The following B3GLCT variants were observed in gnomAD, a reference collection of about 807,000 sequenced individuals.
B3GLCT encodes beta 3-glucosyltransferase.
Under a neutral mutation model 63.4 loss-of-function variants are expected in B3GLCT, and 65 were observed. The observed-to-expected ratio is 1.03, with a 90% CI of 0.84 to 1.26. B3GLCT has a LOEUF of 1.26. B3GLCT is among the 50% of genes most tolerant of loss of function. B3GLCT has a pLI of 0.00. For synonymous variants in B3GLCT, 233 were observed against 219.2 expected (o/e 1.06, Z -0.55); for missense variants, 577 against 604.8 (o/e 0.95, Z 0.48).
intron 4 of B3GLCT, among the ~76,000 whole-genome samples, chr13:31,242,994 G>A (rs956758259): frequency 7.2e-5 from 11 of 152,152 alleles, no homozygotes; most frequent in African/African-American, 1.2e-4. Context: ...GTTGCAAATA[G>A]CATATTACAG....
rs1324606144 is a variant in B3GLCT at position 31,236,073 on chromosome 13, C to T, written c.270+6779C>T. Among the ~76,000 whole-genome samples the T allele has an allele frequency of 3.3e-5, 5 of 152,188 alleles. No homozygotes were observed. The East Asian group carries it at 9.6e-4, about 29-fold the overall frequency. Reference sequence around the variant, plus strand: ...GCTCATTTGGCATTTCACGTATGCACCCCCAAGGTGTACTTTGTCCTTCAG... The same window carrying T: ...GCTCATTTGGCATTTCACGTATGCATCCCCAAGGTGTACTTTGTCCTTCAG... On this transcript the variant is annotated intron_variant, in intron 4 of 14. Transcript: ENST00000343307.
intron 12 of B3GLCT, among the ~76,000 whole-genome samples, chr13:31,316,407 T>TTTTATA (rs1239451482): frequency 1.2e-4 from 5 of 40,872 alleles, no homozygotes; most frequent in South Asian, 1.2e-3. Context: ...TTTGGAGGTT[T>TTTTATA]TATATATATA....
At chr13:31,235,345 G>A (rs550679992) in intron 4 of B3GLCT, among the ~76,000 whole-genome samples, 13 of 152,250 alleles carry the variant, frequency 8.5e-5, no homozygotes, top group African/African-American at 3.1e-4. Context: ...TTGAGAGTCA[G>A]CAGCATACAT....
chr13:31,327,583 G>A (rs986438974), intron 14 of B3GLCT, among the ~76,000 whole-genome samples: 2 of 152,208 alleles, frequency 1.3e-5, no homozygotes, highest in Non-Finnish European at 1.5e-5. Context: ...GGGAACTACT[G>A]TATTTCTTTC....
chr13:31,299,351 G>A (rs1874113005), intron 12 of B3GLCT, among the ~76,000 whole-genome samples: 3 of 152,076 alleles, frequency 2.0e-5, no homozygotes, highest in Admixed American at 6.5e-5. Context: ...AAGAAATGAC[G>A]ATTGGCCATA....
At chr13:31,248,054 TA>T in intron 6 of B3GLCT, 88 bp downstream of exon 6, 1 of 741,488 alleles carries the variant, frequency 1.3e-6, no homozygotes, top group Non-Finnish European at 2.4e-6. Flanking sequence ...TTGAATCTAA[TA>T]AAAAACCACT....
At chr13:31,207,568 A>G (rs1263591227) in intron 1 of B3GLCT, among the ~76,000 whole-genome samples, 1 of 151,310 alleles carries the variant, frequency 6.6e-6, no homozygotes, top group East Asian at 1.9e-4. Flanking sequence ...TTTTTTTTTC[A>G]CTATCTACTG....
intron 12 of B3GLCT, among the ~76,000 whole-genome samples, chr13:31,308,535 C>T (rs566309831): frequency 6.6e-6 from 1 of 151,954 alleles, no homozygotes; most frequent in Non-Finnish European, 1.5e-5. Flanking sequence ...CAGGAATAAC[C>T]TCCTGTGTGT....
intron 12 of B3GLCT, among the ~76,000 whole-genome samples, chr13:31,298,179 A>G (rs1335268895): frequency 6.6e-6 from 1 of 152,210 alleles, no homozygotes; most frequent in Admixed American, 6.5e-5. Context: ...TTAGCCTACA[A>G]AAAGATAGCA....
Position 31,317,702 on chromosome 13 carries a change from C to T in B3GLCT, c.1184+17C>T. On this transcript the variant is annotated intron_variant, in intron 13 of 14. Coordinates refer to ENST00000343307, the MANE Select transcript of B3GLCT (RefSeq NM_194318.4). Reference sequence around the variant, plus strand: ...AGGAGGAGGGTAACTATGATCACAGCTTTCTTCAACTACTTTAAACATAAA... The same window carrying T: ...AGGAGGAGGGTAACTATGATCACAGTTTTCTTCAACTACTTTAAACATAAA... 6.2e-7 allele frequency: 1 copy of T among 1,613,680 alleles called. No individual in the cohort carries two copies. The highest frequency in any genetic ancestry group is 1.1e-5 in the South Asian group (1 of 91,070).
At chr13:31,203,914 T>C (rs1260269210) in intron 1 of B3GLCT, among the ~76,000 whole-genome samples, 2 of 152,206 alleles carry the variant, frequency 1.3e-5, no homozygotes. Context: ...AGAATGTCAA[T>C]TTAAAAATAG....
intron 8 of B3GLCT, among the ~76,000 whole-genome samples, chr13:31,274,028 T>C (rs908196748): frequency 1.1e-4 from 17 of 152,134 alleles, no homozygotes; most frequent in Admixed American, 9.8e-4. Flanking sequence ...TGCCTTTTTT[T>C]CCCCAGGATC....
Position 31,245,162 on chromosome 13 carries a change from C to G in B3GLCT, c.271-1861C>G, listed in dbSNP as rs571960305. On this transcript the variant is annotated intron_variant, in intron 4 of 14. Coordinates refer to ENST00000343307, the MANE Select transcript of B3GLCT (RefSeq NM_194318.4). Reference sequence around the variant, plus strand: ...GTTTGCACTACCTAAACCTTTGCCTCCCACATTTTATGTTGTGGCAGAAAT... The same window carrying G: ...GTTTGCACTACCTAAACCTTTGCCTGCCACATTTTATGTTGTGGCAGAAAT... 1.1e-4 allele frequency among the ~76,000 whole-genome samples: 16 copies of G among 152,222 alleles called. No individual in the cohort carries two copies. In the South Asian group the frequency reaches 3.3e-3, roughly 32 times the overall value.
At chr13:31,216,957 G>A (rs762123401) in intron 2 of B3GLCT, among the ~76,000 whole-genome samples, 3 of 152,150 alleles carry the variant, frequency 2.0e-5, no homozygotes, top group African/African-American at 7.2e-5. Context: ...ATTCCTTTGG[G>A]TATATACCCA....
intron 3 of B3GLCT, among the ~76,000 whole-genome samples, chr13:31,226,731 A>G (rs1870121330): frequency 1.3e-5 from 2 of 152,274 alleles, no homozygotes; most frequent in South Asian, 2.1e-4. Context: ...CACCATGCCC[A>G]GCTAGGATTA....
chr13:31,242,876 A>G (rs1871023247), intron 4 of B3GLCT, among the ~76,000 whole-genome samples: 3 of 152,164 alleles, frequency 2.0e-5, no homozygotes, highest in Non-Finnish European at 2.9e-5. Context: ...TTTTTGTAAT[A>G]TAGACTCAGA....
At chr13:31,204,049 C>CT (rs1868814004) in intron 1 of B3GLCT, among the ~76,000 whole-genome samples, 1 of 152,194 alleles carries the variant, frequency 6.6e-6, no homozygotes. Context: ...CCTTGGGGAG[C>CT]TTGCAGCCCG....
At position 31,330,490 on chromosome 13, in the gene B3GLCT, T is replaced by A. The variant is rs569689158; in HGVS notation, c.*822T>A. On this transcript the variant is annotated 3_prime_UTR_variant, in exon 15 of 15. Coordinates refer to ENST00000343307, the MANE Select transcript of B3GLCT (RefSeq NM_194318.4). ...ATGTTTTGTTCAAGTCAGCAAGCTC[T>A]ATGTGAGTCTCAGGAAGTGAATTAA... 1 of 152,156 alleles carries A rather than the reference T, an allele frequency of 6.6e-6. No individual in the cohort carries two copies. Among genetic ancestry groups the A allele is most frequent in the East Asian group, 1.9e-4 (1 of 5,178 alleles). The allele number at this position is 152,156 out of a possible 1,614,324, so 9.4% of individuals were successfully genotyped here.
At chr13:31,253,231 A>G (rs542305502) in intron 6 of B3GLCT, among the ~76,000 whole-genome samples, 2 of 152,194 alleles carry the variant, frequency 1.3e-5, no homozygotes, top group Non-Finnish European at 2.9e-5. Context: ...AGGGAAATCT[A>G]TAGCACTAAA....
Sources: allele counts gnomAD v4.1 joint callset (sites outside exome capture counted in the v4.1 genomes callset), GRCh38; gene constraint gnomAD v4.1.1; transcripts MANE v1.5; gene names NCBI Gene and HGNC (gene_info 2026-07-23, HGNC 2026-07-21).